Variants in DPYD observed in about 807,000 individuals in gnomAD.
DPYD encodes the protein dihydropyrimidine dehydrogenase [NADP(+)].
In DPYD, 109 loss-of-function variants were observed where a neutral mutation model predicts 116.2. That is an observed-to-expected ratio of 0.94 (90% CI 0.80 to 1.10). The LOEUF is 1.10. Ranked by LOEUF, DPYD falls within the 50% of genes least tolerant of loss-of-function variation. The probability of loss-of-function intolerance (pLI) is 0.00; values close to 1 mark genes in which losing one functional copy is unlikely to be tolerated. For synonymous variants in DPYD, 440 were observed against 432.0 expected (o/e 1.02, Z -0.23); for missense variants, 1,302 against 1,254.5 (o/e 1.04, Z -0.57).
rs186360217 is a variant in DPYD at position 97,223,369 on chromosome 1, C to T, written c.2442+11483G>A. On this transcript the variant is annotated intron_variant, in intron 19 of 22. Transcript: ENST00000370192. Reference sequence around the variant, plus strand: ...TCTATTAACTTTAGTGACAAACCCACGCAGAAAAGATAGAATTAAACACAC... The same window carrying T: ...TCTATTAACTTTAGTGACAAACCCATGCAGAAAAGATAGAATTAAACACAC... 4.6e-3 allele frequency among the ~76,000 whole-genome samples: 658 copies of T among 144,590 alleles called. 6 individuals carry two copies. The highest frequency in any genetic ancestry group is 0.016 in the African/African-American group (626 of 39,400). 94.9% of individuals were successfully genotyped at this position (144,590 alleles called of 152,430 possible). A position where few individuals can be genotyped will look rare whatever the true frequency, so the allele number is the denominator to read the frequency against.
At chr1:97,240,457 T>C (rs1031491275) in intron 18 of DPYD, among the ~76,000 whole-genome samples, 1 of 151,940 alleles carries the variant, frequency 6.6e-6, no homozygotes, top group African/African-American at 2.4e-5. Flanking sequence ...CCCTAATCAT[T>C]TGACTCCTCT....
At chr1:97,405,161 G>A (rs546881585) in intron 14 of DPYD, among the ~76,000 whole-genome samples, 3 of 151,966 alleles carry the variant, frequency 2.0e-5, no homozygotes, top group African/African-American at 4.8e-5. Context: ...TATATTATAC[G>A]TAAGTATACA....
chr1:97,586,884 A>G (rs771079040), intron 10 of DPYD, among the ~76,000 whole-genome samples: 3 of 152,032 alleles, frequency 2.0e-5, no homozygotes, highest in Non-Finnish European at 4.4e-5. Context: ...CATTTCTAAA[A>G]TTTTCAGTAT....
At chr1:97,471,958 T>C (rs1339572554) in intron 13 of DPYD, among the ~76,000 whole-genome samples, 1 of 152,020 alleles carries the variant, frequency 6.6e-6, no homozygotes, top group Non-Finnish European at 1.5e-5. Context: ...AAACTTTAAG[T>C]GGAAAATGTA....
chr1:97,254,811 A>G (rs1663343798), intron 18 of DPYD, among the ~76,000 whole-genome samples: 1 of 152,186 alleles, frequency 6.6e-6, no homozygotes, highest in South Asian at 2.1e-4. Context: ...AACACTCCCT[A>G]CTTCAGAAGA....
chr1:97,126,152 C>A (rs144132319), intron 20 of DPYD, among the ~76,000 whole-genome samples: 1 of 152,162 alleles, frequency 6.6e-6, no homozygotes, highest in Non-Finnish European at 1.5e-5. Context: ...GAGGCTCTTT[C>A]CAGAACTGCT....
At chr1:97,771,380 T>C (rs1254476362) in intron 3 of DPYD, among the ~76,000 whole-genome samples, 1 of 152,200 alleles carries the variant, frequency 6.6e-6, no homozygotes, top group Non-Finnish European at 1.5e-5. Flanking sequence ...TAGTAAAAAA[T>C]ACTTCTGCCT....
At chr1:97,640,538 A>G (rs950475027) in intron 8 of DPYD, among the ~76,000 whole-genome samples, 6 of 152,080 alleles carry the variant, frequency 3.9e-5, no homozygotes. Flanking sequence ...CAAACTCCTG[A>G]CTTGAGGTGA....
At chr1:97,727,730 T>C (rs1663352476) in intron 4 of DPYD, among the ~76,000 whole-genome samples, 1 of 151,874 alleles carries the variant, frequency 6.6e-6, no homozygotes, top group African/African-American at 2.4e-5. Flanking sequence ...TTTAGGGATC[T>C]TAGTACTCAG....
chr1:97,672,858 A>G (rs1434417322), intron 8 of DPYD, among the ~76,000 whole-genome samples: 2 of 152,208 alleles, frequency 1.3e-5, no homozygotes, highest in Non-Finnish European at 2.9e-5. Context: ...TTTAAATTAT[A>G]ATTATCTGTT....
At chr1:97,130,887 TTTCCTCCC>T (rs1653283240) in intron 20 of DPYD, among the ~76,000 whole-genome samples, 1 of 111,374 alleles carries the variant, frequency 9.0e-6, no homozygotes, top group African/African-American at 3.3e-5. Flanking sequence ...TCCTTCCTTC[TTTCCTCCC>T]TCCCTCCCTC....
intron 18 of DPYD, among the ~76,000 whole-genome samples, chr1:97,297,092 G>C (rs1161040937): frequency 6.6e-6 from 1 of 152,152 alleles, no homozygotes; most frequent in Non-Finnish European, 1.5e-5. Context: ...GTATTTGTAA[G>C]CATAACAATT....
At chr1:97,744,065 C>A (rs1017430913) in intron 3 of DPYD, among the ~76,000 whole-genome samples, 8 of 151,678 alleles carry the variant, frequency 5.3e-5, no homozygotes, top group African/African-American at 1.7e-4. Context: ...TGTCGAAGAG[C>A]AAAATATAGA....
intron 5 of DPYD, among the ~76,000 whole-genome samples, chr1:97,708,013 G>T (rs547013127): frequency 6.6e-6 from 1 of 151,746 alleles, no homozygotes; most frequent in Non-Finnish European, 1.5e-5. Flanking sequence ...TTGTTTCTGT[G>T]TTTGTTTTGA....
chr1:97,624,035 A>T (rs1489355417), intron 8 of DPYD, among the ~76,000 whole-genome samples: 2 of 152,072 alleles, frequency 1.3e-5, no homozygotes, highest in Non-Finnish European at 2.9e-5. Context: ...AGAAGAAAGG[A>T]TAGGAGAAAA....
intron 16 of DPYD, among the ~76,000 whole-genome samples, chr1:97,353,628 T>G (rs947415045): frequency 5.7e-5 from 5 of 87,776 alleles, no homozygotes; most frequent in South Asian, 6.3e-4. Flanking sequence ...CTGCATTCTG[T>G]TTTTTTTTTT....
intron 2 of DPYD, among the ~76,000 whole-genome samples, chr1:97,860,355 A>AT (rs1431298059): frequency 6.6e-6 from 1 of 152,196 alleles, no homozygotes; most frequent in Non-Finnish European, 1.5e-5. Flanking sequence ...TACTACGGGA[A>AT]AACAATTACA....
intron 16 of DPYD, among the ~76,000 whole-genome samples, chr1:97,311,495 A>G (rs553629884): frequency 6.6e-6 from 1 of 151,862 alleles, no homozygotes; most frequent in South Asian, 2.1e-4. Flanking sequence ...GCCATTATCT[A>G]TCTACCAGAT....
At chr1:97,194,535 T>G (rs1658613399) in intron 19 of DPYD, among the ~76,000 whole-genome samples, 1 of 152,050 alleles carries the variant, frequency 6.6e-6, no homozygotes, top group Non-Finnish European at 1.5e-5. Context: ...TTTTGGAGTC[T>G]CACCCTGTCA....
Sources: gnomAD v4.1 joint callset for allele counts (sites outside exome capture counted in the v4.1 genomes callset) on GRCh38, gnomAD v4.1.1 for gene constraint, MANE v1.5 for transcripts, NCBI Gene and HGNC (gene_info 2026-07-23, HGNC 2026-07-21) for gene names.